CSMD1: variants seen among roughly 807,000 people sequenced by gnomAD.
CSMD1 encodes CUB and Sushi multiple domains 1.
In CSMD1, 213 loss-of-function variants were observed where a neutral mutation model predicts 417.5. The observed-to-expected ratio is 0.51, with a 90% CI of 0.46 to 0.57. The LOEUF (loss-of-function observed/expected upper bound fraction) is 0.57. CSMD1 is among the 20% of genes least tolerant of loss of function. The probability of loss-of-function intolerance (pLI) is 0.00; values close to 1 mark genes in which losing one functional copy is unlikely to be tolerated. For missense variants in CSMD1, 6,923 were observed against 4,529.7 expected, an observed-to-expected ratio of 1.53 and a Z score of -15.17; for synonymous variants, 2,862 against 1,736.8, an observed-to-expected ratio of 1.65 and a Z score of -16.11.
chr8:4,663,867 G>A (rs191696936), intron 1 of CSMD1, among the ~76,000 whole-genome samples: 1 of 152,280 alleles, frequency 6.6e-6, no homozygotes, highest in Non-Finnish European at 1.5e-5. Flanking sequence ...AAATACCTGG[G>A]CTGGATCAGG....
At chr8:4,461,506 TAC>T (rs2129950070) in intron 2 of CSMD1, among the ~76,000 whole-genome samples, 1 of 132,476 alleles carries the variant, frequency 7.5e-6, no homozygotes, top group South Asian at 2.3e-4. Context: ...CCAGCAAGGT[TAC>T]AGAGTAGAAG....
At chr8:4,606,667 C>T (rs1444819500) in intron 2 of CSMD1, among the ~76,000 whole-genome samples, 1 of 152,170 alleles carries the variant, frequency 6.6e-6, no homozygotes, top group Admixed American at 6.5e-5. Context: ...GTGTTCTATT[C>T]ACTTGGATGA....
chr8:4,135,084 A>T (rs549707442), intron 3 of CSMD1, among the ~76,000 whole-genome samples: 1 of 152,254 alleles, frequency 6.6e-6, no homozygotes, highest in South Asian at 2.1e-4. Context: ...AGAATGAAAA[A>T]AAATTCTTCC....
chr8:3,704,249 C>G (rs1196088542), intron 7 of CSMD1, among the ~76,000 whole-genome samples: 2 of 152,098 alleles, frequency 1.3e-5, no homozygotes, highest in African/African-American at 4.8e-5. Flanking sequence ...AAAAGTCAGT[C>G]TGCACCTGGA....
At chr8:3,910,564 C>A (rs997608232) in intron 5 of CSMD1, among the ~76,000 whole-genome samples, 1 of 152,110 alleles carries the variant, frequency 6.6e-6, no homozygotes, top group Non-Finnish European at 1.5e-5. Context: ...CTTGAGCAGA[C>A]AGTATTATGA....
chr8:3,563,705 G>T (rs1799573629), intron 10 of CSMD1, among the ~76,000 whole-genome samples: 1 of 152,038 alleles, frequency 6.6e-6, no homozygotes, highest in African/African-American at 2.4e-5. Flanking sequence ...CCTGGCCAAT[G>T]TAGTGAAACC....
At chr8:4,954,007 G>A (rs1228501659) in intron 1 of CSMD1, among the ~76,000 whole-genome samples, 15 of 152,038 alleles carry the variant, frequency 9.9e-5, no homozygotes, top group Non-Finnish European at 1.9e-4. Context: ...CAGCAATGAA[G>A]ACGTTACCCT....
At position 4,891,538 on chromosome 8, in the gene CSMD1, G is replaced by C. The variant is rs139401123; in HGVS notation, c.85+102794C>G. On this transcript the variant is annotated intron_variant, in intron 1 of 69. Coordinates refer to ENST00000635120, the MANE Select transcript of CSMD1 (RefSeq NM_033225.6). ...TTTTATACTAAAAATATTTTTATAG[G>C]GAGTTTGCCTTGAAATTCCTAGCAT... 1.7e-3 allele frequency among the ~76,000 whole-genome samples: 262 copies of C among 152,098 alleles called. 5 individuals carry two copies. The highest frequency in any genetic ancestry group is 6.2e-3 in the African/African-American group (255 of 41,436).
chr8:3,460,120 G>A (rs62473729), intron 12 of CSMD1, among the ~76,000 whole-genome samples: 1 of 152,082 alleles, frequency 6.6e-6, no homozygotes, highest in African/African-American at 2.4e-5. Context: ...TTGGGATGGA[G>A]GCAGCTCAGG....
At chr8:3,527,340 A>G (rs1797794526) in intron 10 of CSMD1, among the ~76,000 whole-genome samples, 1 of 152,208 alleles carries the variant, frequency 6.6e-6, no homozygotes, top group Admixed American at 6.5e-5. Context: ...TGCCCTTTCA[A>G]AAAGCCATTC....
At chr8:4,903,298 C>T (rs917652172) in intron 1 of CSMD1, among the ~76,000 whole-genome samples, 5 of 152,162 alleles carry the variant, frequency 3.3e-5, no homozygotes, top group Non-Finnish European at 7.4e-5. Flanking sequence ...TTTCTGATTT[C>T]CATTTAGCAA....
At chr8:3,662,379 C>T (rs1247283232) in intron 7 of CSMD1, among the ~76,000 whole-genome samples, 1 of 152,116 alleles carries the variant, frequency 6.6e-6, no homozygotes, top group African/African-American at 2.4e-5. Context: ...TCCATCTCTC[C>T]CTAACTTAAA....
intron 12 of CSMD1, among the ~76,000 whole-genome samples, chr8:3,423,019 A>G (rs1211610727): frequency 1.3e-5 from 2 of 152,344 alleles, no homozygotes; most frequent in East Asian, 1.9e-4. Context: ...TACAGGAGAC[A>G]CCTTCAAACA....
At chr8:4,975,749 C>T (rs1273433750) in intron 1 of CSMD1, among the ~76,000 whole-genome samples, 1 of 152,132 alleles carries the variant, frequency 6.6e-6, no homozygotes, top group Non-Finnish European at 1.5e-5. Context: ...GAAGACACGG[C>T]CAACTGTTTC....
chr8:4,950,641 G>A (rs1364104045), intron 1 of CSMD1, among the ~76,000 whole-genome samples: 1 of 152,142 alleles, frequency 6.6e-6, no homozygotes, highest in African/African-American at 2.4e-5. Context: ...ATTTGTCATT[G>A]TTTTAAATGG....
chr8:4,668,014 T>C (rs1054740226), intron 1 of CSMD1, among the ~76,000 whole-genome samples: 2 of 152,218 alleles, frequency 1.3e-5, no homozygotes, highest in African/African-American at 2.4e-5. Context: ...TTTTAAGCTA[T>C]AGCGATTCTA....
At chr8:4,076,402 G>C (rs897805607) in intron 3 of CSMD1, among the ~76,000 whole-genome samples, 1 of 152,190 alleles carries the variant, frequency 6.6e-6, no homozygotes, top group Non-Finnish European at 1.5e-5. Flanking sequence ...AGCAGCGTAA[G>C]AATGGACTAA....
chr8:4,455,736 G>C (rs566734698), intron 2 of CSMD1, among the ~76,000 whole-genome samples: 1 of 151,480 alleles, frequency 6.6e-6, no homozygotes, highest in African/African-American at 2.4e-5. Flanking sequence ...TTCAAGACCA[G>C]CCTGGCCAAC....
Position 3,235,916 on chromosome 8 carries a change from G to GTTTTTTT in CSMD1, c.4154-5692_4154-5686dup, listed in dbSNP as rs11414439. 6.4e-4 allele frequency among the ~76,000 whole-genome samples: 76 copies of GTTTTTTT among 119,332 alleles called. 2 individuals are homozygous for GTTTTTTT. Among genetic ancestry groups the GTTTTTTT allele is most frequent in the Admixed American group, 2.1e-3 (20 of 9,660 alleles). 78.3% of individuals were successfully genotyped at this position (119,332 alleles called of 152,430 possible). A position where few individuals can be genotyped will look rare whatever the true frequency, so the allele number is the denominator to read the frequency against. On this transcript the variant is annotated intron_variant, in intron 26 of 69. Coordinates refer to ENST00000635120, the MANE Select transcript of CSMD1 (RefSeq NM_033225.6). The stretch of plus-strand genomic sequence containing the variant: ...TTATGCCAGTTATATGAAGATGTAA[G>GTTTTTTT]TTTTTTTTTTTTTTTTTTTGAGACA...
Sources: gnomAD v4.1 joint callset for allele counts (sites outside exome capture counted in the v4.1 genomes callset) on GRCh38, gnomAD v4.1.1 for gene constraint, MANE v1.5 for transcripts, NCBI Gene and HGNC (gene_info 2026-07-23, HGNC 2026-07-21) for gene names.